The following HADH variants were observed in gnomAD, a reference collection of about 807,000 sequenced individuals.
The protein encoded by HADH is hydroxyacyl-CoA dehydrogenase, also known as hydroxyacyl-coenzyme A dehydrogenase, mitochondrial.
Under a neutral mutation model 32.2 loss-of-function variants are expected in HADH, and 24 were observed. The ratio of observed to expected loss-of-function variants is 0.75; its 90% CI spans 0.54 to 1.05. The LOEUF is 1.05. Ranked by LOEUF, HADH falls within the 50% of genes least tolerant of loss-of-function variation. The pLI is 0.00. For synonymous variants in HADH, 139 were observed against 152.5 expected, an observed-to-expected ratio of 0.91 and a Z score of 0.65; for missense variants, 350 against 397.1, an observed-to-expected ratio of 0.88 and a Z score of 1.01.
chr4:108,004,018 T>C (rs945210108), intron 1 of HADH, among the ~76,000 whole-genome samples: 3 of 152,148 alleles, frequency 2.0e-5, no homozygotes, highest in African/African-American at 7.2e-5. Context: ...CCCTTGCCTG[T>C]CTCAGTACTG....
intron 1 of HADH, among the ~76,000 whole-genome samples, chr4:108,005,905 C>T (rs897603707): frequency 6.6e-6 from 1 of 152,122 alleles, no homozygotes; most frequent in Non-Finnish European, 1.5e-5. Context: ...AAAGGAGGAT[C>T]AAAGCTCAAA....
At chr4:108,024,125 T>TC (rs1004453859) in intron 5 of HADH, 4 of 153,546 alleles carry the variant, frequency 2.6e-5, no homozygotes, top group African/African-American at 9.7e-5. Context: ...ATCTTTTTTT[T>TC]CCCCTTTCTT....
At chr4:108,017,895 G>A (rs1735749431) in intron 3 of HADH, among the ~76,000 whole-genome samples, 1 of 152,170 alleles carries the variant, frequency 6.6e-6, no homozygotes, top group Admixed American at 6.5e-5. Context: ...TATGTGTTTA[G>A]TATTCTCTGA....
intron 3 of HADH, among the ~76,000 whole-genome samples, chr4:108,015,102 G>C (rs1373902304): frequency 6.6e-6 from 1 of 152,168 alleles, no homozygotes; most frequent in East Asian, 1.9e-4. Flanking sequence ...ATGAGTGCAG[G>C]TATCTTTTTG....
At chr4:108,032,447 A>T in intron 6 of HADH, 2 of 862,430 alleles carry the variant, frequency 2.3e-6, no homozygotes, top group Admixed American at 1.7e-5. Flanking sequence ...AAACCCAAAA[A>T]ACTGGGGGAA....
rs1735633465 is a variant in HADH at position 108,014,709 on chromosome 4, T to C, written c.419+121T>C. 3.5e-6 allele frequency: 3 copies of C among 848,414 alleles called. 1 individual carries two copies. Among genetic ancestry groups the C allele is most frequent in the Admixed American group, 4.2e-5 (2 of 47,270 alleles). 52.6% of individuals were successfully genotyped at this position (848,414 alleles called of 1,614,324 possible). On this transcript the variant is annotated intron_variant, in intron 3 of 7. Transcript: ENST00000309522. ...GTGCAGTTTTGTTCCATGCCTATAT[T>C]GTGTAGTGGTGAAGTCTGGGCTTTT... is the stretch of plus-strand genomic sequence containing the variant.
chr4:108,028,037 T>C (rs1416379042), intron 6 of HADH: 1 of 530,526 alleles, frequency 1.9e-6, no homozygotes, highest in African/African-American at 1.9e-5. Flanking sequence ...CCGGCCCAGA[T>C]TGATATCCTG....
intron 6 of HADH, chr4:108,028,105 TCA>T: frequency 2.8e-6 from 1 of 355,686 alleles, no homozygotes; most frequent in Non-Finnish European, 5.2e-6. Flanking sequence ...AATGTAAAAA[TCA>T]CTAGGCTAGG....
chr4:108,022,551 A>G (rs1011300238), intron 4 of HADH, among the ~76,000 whole-genome samples: 1 of 152,136 alleles, frequency 6.6e-6, no homozygotes, highest in African/African-American at 2.4e-5. Context: ...TCTGTGTGGC[A>G]GAGGGTGGAG....
At chr4:107,998,799 G>A (rs935442710) in intron 1 of HADH, among the ~76,000 whole-genome samples, 10 of 151,956 alleles carry the variant, frequency 6.6e-5, no homozygotes, top group African/African-American at 2.2e-4. Context: ...ATACTGTGAT[G>A]GACATTAGAG....
At chr4:108,021,611 G>A (rs1042809070) in intron 4 of HADH, among the ~76,000 whole-genome samples, 1 of 152,170 alleles carries the variant, frequency 6.6e-6, no homozygotes, top group African/African-American at 2.4e-5. Context: ...ATGAATGAAT[G>A]AGTGAATAAA....
intron 3 of HADH, among the ~76,000 whole-genome samples, 163 bp downstream of exon 3, chr4:108,014,751 A>T (rs1214446834): frequency 6.6e-6 from 1 of 152,070 alleles, no homozygotes; most frequent in Non-Finnish European, 1.5e-5. Context: ...CCCATCACCC[A>T]CATAGTGAAC....
chr4:108,012,057 A>C (rs1560729631), intron 2 of HADH, among the ~76,000 whole-genome samples: 1 of 151,970 alleles, frequency 6.6e-6, no homozygotes, highest in Non-Finnish European at 1.5e-5. Flanking sequence ...ACACCCAGCT[A>C]ATTAAAAAAA....
intron 7 of HADH, 52 bp downstream of exon 7, chr4:108,033,344 G>A: frequency 2.1e-6 from 2 of 943,070 alleles, no homozygotes; most frequent in African/African-American, 1.6e-5. Context: ...TTTCTGAACT[G>A]TAAATTATAA....
At chr4:108,010,433 C>T (rs1735446943) in intron 2 of HADH, among the ~76,000 whole-genome samples, 1 of 151,964 alleles carries the variant, frequency 6.6e-6, no homozygotes, top group Non-Finnish European at 1.5e-5. Flanking sequence ...TTTTTCAGCG[C>T]ACTTTCACTT....
chr4:108,017,839 G>A lies in HADH; in HGVS notation c.420-1701G>A, dbSNP rs114965303. 5.1e-3 allele frequency among the ~76,000 whole-genome samples: 773 copies of A among 152,254 alleles called. 7 individuals carry two copies. Among genetic ancestry groups the A allele is most frequent in the African/African-American group, 0.018 (734 of 41,540 alleles). On this transcript the variant is annotated intron_variant, in intron 3 of 7. Transcript: ENST00000309522. Reference sequence around the variant, plus strand: ...GCTGGTATTACAAGTGTGAGCCACCGTGCCCAGCCCAGAGTACATTTTGTT... The same window carrying A: ...GCTGGTATTACAAGTGTGAGCCACCATGCCCAGCCCAGAGTACATTTTGTT...
intron 6 of HADH, chr4:108,032,072 T>TC: frequency 2.7e-6 from 1 of 369,276 alleles, no homozygotes; most frequent in Non-Finnish European, 4.9e-6. Flanking sequence ...TAAAAATATA[T>TC]CTTCTTTATC....
At chr4:108,022,705 T>C (rs1233722840) in intron 4 of HADH, among the ~76,000 whole-genome samples, 1 of 152,220 alleles carries the variant, frequency 6.6e-6, no homozygotes, top group Non-Finnish European at 1.5e-5. Flanking sequence ...TCCAGACTTC[T>C]AATAATTAAA....
At chr4:108,017,298 A>T (rs1300331108) in intron 3 of HADH, among the ~76,000 whole-genome samples, 1 of 152,170 alleles carries the variant, frequency 6.6e-6, no homozygotes, top group African/African-American at 2.4e-5. Flanking sequence ...GTATGACCAG[A>T]CGCACAGGCA....
Sources: gnomAD v4.1 joint callset for allele counts (sites outside exome capture counted in the v4.1 genomes callset) on GRCh38, gnomAD v4.1.1 for gene constraint, MANE v1.5 for transcripts, NCBI Gene and HGNC (gene_info 2026-07-23, HGNC 2026-07-21) for gene names.